Variants in KAZN observed in about 807,000 individuals in gnomAD.
The protein encoded by KAZN is kazrin.
KAZN carries 40 observed loss-of-function variants against 87.4 expected under a neutral mutation model. The observed-to-expected ratio is 0.46, with a 90% CI of 0.36 to 0.60. KAZN has a LOEUF of 0.60. Among genes scored for constraint, KAZN ranks in the 20% least tolerant of loss-of-function variants. The probability of loss-of-function intolerance (pLI) is 0.00; values close to 1 mark genes in which losing one functional copy is unlikely to be tolerated. For synonymous variants in KAZN, 466 were observed against 458.3 expected (o/e 1.02, Z -0.22); for missense variants, 898 against 1,073.9 (o/e 0.84, Z 2.29).
At chr1:14,714,338 A>G (rs1642665924) in intron 1 of KAZN, among the ~76,000 whole-genome samples, 1 of 152,144 alleles carries the variant, frequency 6.6e-6, no homozygotes, top group South Asian at 2.1e-4. Context: ...AATTAGCTGG[A>G]TAATTGGCTC....
intron 1 of KAZN, among the ~76,000 whole-genome samples, chr1:14,837,406 T>G (rs1410781726): frequency 6.6e-6 from 1 of 152,008 alleles, no homozygotes; most frequent in Admixed American, 6.6e-5. Context: ...TCCATGTGGG[T>G]CAGGCTGGTC....
chr1:14,446,011 C>A (rs1666964568), intron 2 of KAZN, among the ~76,000 whole-genome samples: 1 of 146,544 alleles, frequency 6.8e-6, no homozygotes, highest in African/African-American at 2.5e-5. Context: ...AGCAACATGG[C>A]AAGACCCCAT....
chr1:14,495,837 G>A lies in KAZN; in HGVS notation c.250-103146G>A, dbSNP rs1222027362. 2.6e-5 allele frequency among the ~76,000 whole-genome samples: 4 copies of A among 152,254 alleles called. No individual in the cohort carries two copies. The East Asian group carries it at 5.8e-4, about 22-fold the overall frequency. On this transcript the variant is annotated intron_variant, in intron 2 of 16. Transcript: ENST00000636203. Reference sequence around the variant, plus strand: ...CTTGCCAGTTGATGCAAAATGCATCGAGGAATTATAACATTGGAAGGAAAG... The same window carrying A: ...CTTGCCAGTTGATGCAAAATGCATCAAGGAATTATAACATTGGAAGGAAAG...
At chr1:14,548,549 T>C (rs1168170439) in intron 2 of KAZN, among the ~76,000 whole-genome samples, 1 of 152,230 alleles carries the variant, frequency 6.6e-6, no homozygotes, top group African/African-American at 2.4e-5. Context: ...CTCTAAACAA[T>C]ATATAATTCT....
chr1:14,582,962 T>G (rs893504014), intron 2 of KAZN, among the ~76,000 whole-genome samples: 2 of 152,178 alleles, frequency 1.3e-5, no homozygotes, highest in Non-Finnish European at 2.9e-5. Flanking sequence ...CCTCCATCCC[T>G]GCAGCCCCAT....
chr1:14,138,679 T>C (rs780119854), intron 1 of KAZN, among the ~76,000 whole-genome samples: 2 of 152,184 alleles, frequency 1.3e-5, no homozygotes, highest in African/African-American at 2.4e-5. Flanking sequence ...CCCAGGCTCG[T>C]TTCTCAATAG....
At chr1:15,011,122 A>G (rs747069764) in intron 2 of KAZN, among the ~76,000 whole-genome samples, 5 of 152,180 alleles carry the variant, frequency 3.3e-5, no homozygotes, top group Non-Finnish European at 5.9e-5. Flanking sequence ...AACAGAGTAC[A>G]CCCACTGGCT....
intron 2 of KAZN, among the ~76,000 whole-genome samples, chr1:14,572,044 C>A (rs949486982): frequency 6.6e-6 from 1 of 152,192 alleles, no homozygotes; most frequent in South Asian, 2.1e-4. Context: ...AAGGCTGCCC[C>A]CTGCAGCTTC....
intron 2 of KAZN, among the ~76,000 whole-genome samples, chr1:14,337,715 A>C (rs1420094425): frequency 6.6e-6 from 1 of 151,800 alleles, no homozygotes; most frequent in Non-Finnish European, 1.5e-5. Flanking sequence ...CCAGCATGGC[A>C]AAACACCGTC....
chr1:13,923,792 T>G (rs563820611), intron 1 of KAZN, among the ~76,000 whole-genome samples: 1 of 151,606 alleles, frequency 6.6e-6, no homozygotes, highest in South Asian at 2.1e-4. Context: ...TTGAAATATA[T>G]GCTATGTAAG....
chr1:13,974,309 G>A (rs1481434515), intron 1 of KAZN, among the ~76,000 whole-genome samples: 1 of 152,248 alleles, frequency 6.6e-6, no homozygotes, highest in African/African-American at 2.4e-5. Flanking sequence ...TTTAGGGAAA[G>A]TTTATATCAG....
chr1:14,946,919 C>T (rs1308421354), intron 1 of KAZN, among the ~76,000 whole-genome samples: 1 of 152,184 alleles, frequency 6.6e-6, no homozygotes, highest in East Asian at 1.9e-4. Context: ...ATAGAAATGC[C>T]TGTTCTTTCC....
intron 7 of KAZN, 60 bp from the exon 8 acceptor site, chr1:15,065,570 A>G: frequency 1.4e-6 from 2 of 1,453,008 alleles, no homozygotes; most frequent in Non-Finnish European, 1.9e-6. Context: ...TCTGCACCCC[A>G]GCTAAGCTTG....
chr1:14,696,698 A>T (rs1053572112), intron 1 of KAZN, among the ~76,000 whole-genome samples: 4 of 152,092 alleles, frequency 2.6e-5, no homozygotes, highest in Non-Finnish European at 1.5e-5. Flanking sequence ...TCTGGGTCCC[A>T]CTCCCAGAGT....
intron 1 of KAZN, among the ~76,000 whole-genome samples, chr1:14,071,638 T>G (rs1293461095): frequency 6.6e-6 from 1 of 152,286 alleles, no homozygotes; most frequent in South Asian, 2.1e-4. Context: ...TTGGACATGG[T>G]GTGTCCTCAG....
chr1:14,534,268 T>C (rs557749369), intron 2 of KAZN, among the ~76,000 whole-genome samples: 2 of 152,296 alleles, frequency 1.3e-5, no homozygotes, highest in African/African-American at 4.8e-5. Context: ...GACACATGAA[T>C]AGAAACATAT....
chr1:14,417,803 T>A (rs1664928804), intron 2 of KAZN, among the ~76,000 whole-genome samples: 1 of 151,636 alleles, frequency 6.6e-6, no homozygotes, highest in Non-Finnish European at 1.5e-5. Flanking sequence ...AAGACCATCC[T>A]GGCTAACATG....
intron 1 of KAZN, among the ~76,000 whole-genome samples, chr1:14,706,334 C>A (rs1317190444): frequency 2.0e-5 from 3 of 152,012 alleles, no homozygotes; most frequent in African/African-American, 7.3e-5. Context: ...ATCCCCCCAC[C>A]CCGCCAATCT....
rs1011840048 is a variant in KAZN at position 14,599,540 on chromosome 1, C to T, written c.226+317C>T. Reference sequence around the variant, plus strand: ...TTCCGTGGCACCAGCCCCCTAGCTCCGTGCAAACTTTTCATGCCGGGGCCT... The same window carrying T: ...TTCCGTGGCACCAGCCCCCTAGCTCTGTGCAAACTTTTCATGCCGGGGCCT... On this transcript the variant is annotated intron_variant, in intron 1 of 14. Transcript: ENST00000376030. This position sits in a 1 kb window ranked among gnomAD's most constrained non-coding sequence, Gnocchi z 4.4. Among the ~76,000 whole-genome samples, 1 of 152,280 alleles carries T rather than the reference C, an allele frequency of 6.6e-6. No individual in the cohort carries two copies. The highest frequency in any genetic ancestry group is 2.4e-5 in the African/African-American group (1 of 41,570).
Sources: gnomAD v4.1 joint callset for allele counts (sites outside exome capture counted in the v4.1 genomes callset) on GRCh38, gnomAD v4.1.1 for gene constraint, Gnocchi (gnomAD v3.1) non-coding constraint, MANE v1.5 for transcripts, NCBI Gene and HGNC (gene_info 2026-07-23, HGNC 2026-07-21) for gene names.